Variants in ATP11B observed in about 807,000 individuals in gnomAD.
ATP11B encodes ATPase phospholipid transporting 11B (putative).
ATP11B carries 81 observed loss-of-function variants against 157.8 expected under a neutral mutation model. The ratio of observed to expected loss-of-function variants is 0.51; its 90% CI spans 0.43 to 0.62. The LOEUF is 0.62. Ranked by LOEUF, ATP11B falls within the 20% of genes least tolerant of loss-of-function variation. The pLI, the probability that ATP11B is intolerant of heterozygous loss-of-function variation, is 0.00. For missense variants in ATP11B, 1,165 were observed against 1,402.2 expected, an observed-to-expected ratio of 0.83 and a Z score of 2.70; for synonymous variants, 451 against 469.4, an observed-to-expected ratio of 0.96 and a Z score of 0.51.
intron 8 of ATP11B, chr3:182,844,689 TC>T: frequency 3.5e-6 from 1 of 284,058 alleles, no homozygotes; most frequent in South Asian, 1.4e-4. Context: ...TGTGCAGAAT[TC>T]ATCCATTTAT....
chr3:182,894,032 C>G (rs1054346969), intron 25 of ATP11B, among the ~76,000 whole-genome samples: 1 of 152,040 alleles, frequency 6.6e-6, no homozygotes, highest in Non-Finnish European at 1.5e-5. Flanking sequence ...ATGAGATTAT[C>G]TTTTTCTTGC....
intron 21 of ATP11B, among the ~76,000 whole-genome samples, 168 bp downstream of exon 21, chr3:182,881,149 A>C (rs1007127630): frequency 2.0e-5 from 3 of 152,166 alleles, no homozygotes; most frequent in Non-Finnish European, 2.9e-5. Flanking sequence ...AACTTACTAT[A>C]ATTAGGCCGG....
intron 28 of ATP11B, among the ~76,000 whole-genome samples, chr3:182,903,491 G>T (rs1363682687): frequency 6.6e-6 from 1 of 152,080 alleles, no homozygotes; most frequent in Non-Finnish European, 1.5e-5. Context: ...AAAACTCTAT[G>T]AGTTCATAAT....
intron 2 of ATP11B, 108 bp from the exon 3 acceptor site, chr3:182,828,012 A>G: frequency 4.8e-6 from 2 of 418,252 alleles, no homozygotes; most frequent in Middle Eastern, 6.5e-4. Context: ...GACTTACAGA[A>G]TTTTGTCTAA....
chr3:182,909,576 C>T (rs1201245920), intron 28 of ATP11B, among the ~76,000 whole-genome samples: 5 of 152,094 alleles, frequency 3.3e-5, no homozygotes, highest in African/African-American at 1.2e-4. Flanking sequence ...CTAAATGCTC[C>T]ACTCCCATTC....
chr3:182,907,839 T>G (rs1724482064), intron 28 of ATP11B, among the ~76,000 whole-genome samples: 1 of 152,226 alleles, frequency 6.6e-6, no homozygotes, highest in Non-Finnish European at 1.5e-5. Context: ...CTGGTACTGC[T>G]TTGCTTTAAT....
chr3:182,867,579 C>CTT (rs386398716), intron 15 of ATP11B, 135 bp downstream of exon 15: 59,277 of 151,332 alleles, frequency 0.39, 13,824 homozygotes, highest in Non-Finnish European at 0.47. Flanking sequence ...AGTCACATTA[C>CTT]TTTTTTTTTT....
chr3:182,847,592 A>G (rs559131763), intron 9 of ATP11B, among the ~76,000 whole-genome samples: 1 of 152,356 alleles, frequency 6.6e-6, no homozygotes, highest in Admixed American at 6.5e-5. Flanking sequence ...TAAAACTTCC[A>G]GGACAAATAT....
In ATP11B at chr3:182,866,118, T is replaced by G; in HGVS notation, c.1444-150T>G. ...GAAGGGTCCTAAGCAAATGTGACAT[T>G]TTACTTTTTGAAGGCAGAAACAACC... On this transcript the variant is annotated intron_variant, in intron 13 of 29. Coordinates refer to ENST00000323116, the MANE Select transcript of ATP11B (RefSeq NM_014616.3). 3 of 558,498 alleles carry G rather than the reference T, an allele frequency of 5.4e-6. No homozygotes were observed. The South Asian group carries it at 1.2e-4, about 22-fold the overall frequency. 34.6% of individuals were successfully genotyped at this position (558,498 alleles called of 1,614,324 possible). A position where few individuals can be genotyped will look rare whatever the true frequency, so the allele number is the denominator to read the frequency against.
rs1281345708 is a variant in ATP11B at position 182,920,383 on chromosome 3, A to G, written c.*2279A>G. The stretch of plus-strand genomic sequence containing the variant: ...TAAGAAAAGAGTTTTCTATTTATTT[A>G]AGAAAGTAACAATGCAGTCTGCAAG... On this transcript the variant is annotated 3_prime_UTR_variant, in exon 30 of 30. Coordinates refer to ENST00000323116, the MANE Select transcript of ATP11B (RefSeq NM_014616.3). 1 of 152,248 alleles carries G rather than the reference A, an allele frequency of 6.6e-6. No homozygotes were observed. Among genetic ancestry groups the G allele is most frequent in the East Asian group, 1.9e-4 (1 of 5,206 alleles). 9.4% of individuals were successfully genotyped at this position (152,248 alleles called of 1,614,324 possible).
At position 182,828,204 on chromosome 3, in the gene ATP11B, G is replaced by C; in HGVS notation, c.229G>C (p.Val77Leu). ...CTTTTATTTTCTTATTATATTTTTG[G>C]TTCAGGTAAGCTTTATTACTCAATC... ...ANFYFLIIFL[V>L]QLMIDTPTSP... Residue 77 changes from valine (V) to leucine (L), a missense_variant, in exon 3 of 30, where the codon GTT (valine) becomes CTT (leucine). Physicochemically the swap from Val to Leu is conservative, Grantham distance 32. Coordinates refer to ENST00000323116, the MANE Select transcript of ATP11B (RefSeq NM_014616.3). The C allele has an allele frequency of 7.0e-7, 1 of 1,427,838 alleles. No individual in the cohort carries two copies. The highest frequency in any genetic ancestry group is 9.5e-7 in the Non-Finnish European group (1 of 1,049,398). 88.4% of individuals were successfully genotyped at this position (1,427,838 alleles called of 1,614,324 possible).
intron 8 of ATP11B, 44 bp from the exon 9 acceptor site, chr3:182,845,414 T>C: frequency 6.6e-7 from 1 of 1,510,054 alleles, no homozygotes; most frequent in East Asian, 2.3e-5. Context: ...TTGAAGAGTT[T>C]TTAATATATT....
In ATP11B at chr3:182,869,142, G is replaced by A. The variant is rs74891936; in HGVS notation, c.1753G>A (p.Ala585Thr). Residue 585 changes from alanine (A) to threonine (T), a missense_variant, in exon 16 of 30, where the codon GCA becomes ACA. Ala to Thr is a moderately conservative substitution (Grantham distance 58). This residue lies in a region of ATP11B where 737 missense variants were observed against 930.5 expected (regional missense o/e 0.79). Coordinates refer to ENST00000323116, the MANE Select transcript of ATP11B (RefSeq NM_014616.3). Reference sequence around the variant, plus strand: ...TAGGAGAATGAGTGTAATTGTTCAGGCACCTTCAGGTAACCAATCTAAACT... The same window carrying A: ...TAGGAGAATGAGTGTAATTGTTCAGACACCTTCAGGTAACCAATCTAAACT... ...DRRRMSVIVQ[A>T]PSGEKLLFAK... The A allele has an allele frequency of 2.3e-3, 3,761 of 1,610,080 alleles. 81 individuals carry two copies. The African/African-American group carries it at 0.046, about 20-fold the overall frequency.
chr3:182,857,884 G>A lies in ATP11B; in HGVS notation c.858G>A (p.Met286Ile). The A allele has an allele frequency of 6.6e-7, 1 of 1,504,618 alleles. No individual in the cohort carries two copies. The highest frequency in any genetic ancestry group is 9.2e-7 in the Non-Finnish European group (1 of 1,085,840). The allele number at this position is 1,504,618 out of a possible 1,614,324, so 93.2% of individuals were successfully genotyped here. The part of the protein sequence containing the change: ...SQKRSAVEKS[M>I]NTFLIIYLVI... ...TCTCTTTTTCTTCCTTAAGGTCAATGAATACATTTTTGATAATTTATCTAG... is the reference window on the plus strand; with the variant it reads ...TCTCTTTTTCTTCCTTAAGGTCAATAAATACATTTTTGATAATTTATCTAG... Residue 286 changes from methionine (M) to isoleucine (I), a missense_variant, in exon 11 of 30, where the codon ATG (methionine) becomes ATA (isoleucine). Physicochemically the swap from Met to Ile is conservative, Grantham distance 10. Transcript: ENST00000323116.
At chr3:182,850,095 A>G (rs1296750997) in intron 10 of ATP11B, among the ~76,000 whole-genome samples, 1 of 152,246 alleles carries the variant, frequency 6.6e-6, no homozygotes, top group Non-Finnish European at 1.5e-5. Context: ...GGGAAAGGAC[A>G]TCCTCTTCAG....
chr3:182,862,899 A>G (rs913085064), intron 12 of ATP11B, among the ~76,000 whole-genome samples: 8 of 151,688 alleles, frequency 5.3e-5, no homozygotes, highest in South Asian at 4.2e-4. Flanking sequence ...TTTAACCACA[A>G]GTTGATCCAT....
At chr3:182,851,357 A>AT (rs765339188) in intron 10 of ATP11B, among the ~76,000 whole-genome samples, 47 of 152,004 alleles carry the variant, frequency 3.1e-4, no homozygotes, top group Non-Finnish European at 5.1e-4. Context: ...AATTTTGTGT[A>AT]TTTTTTTTCT....
intron 29 of ATP11B, 165 bp downstream of exon 29, chr3:182,914,159 C>G: frequency 7.0e-7 from 1 of 1,433,820 alleles, no homozygotes. Context: ...CACTTTGTGG[C>G]TTTGGGGTAA....
At chr3:182,816,239 A>G (rs1271722305) in intron 1 of ATP11B, among the ~76,000 whole-genome samples, 2 of 152,212 alleles carry the variant, frequency 1.3e-5, no homozygotes, top group Admixed American at 6.5e-5. Flanking sequence ...CCTAAACTCT[A>G]CTTTTTAGTA....
Sources: allele counts gnomAD v4.1 joint callset (sites outside exome capture counted in the v4.1 genomes callset), GRCh38; gene constraint gnomAD v4.1.1; regional missense constraint gnomAD v4.1.1; transcripts MANE v1.5; gene names NCBI Gene and HGNC (gene_info 2026-07-23, HGNC 2026-07-21).